The following KDM1A variants were observed in gnomAD, a reference collection of about 807,000 sequenced individuals.
KDM1A encodes lysine-specific histone demethylase 1A.
In KDM1A, 49 loss-of-function variants were observed where a neutral mutation model predicts 109.4. The observed-to-expected ratio is 0.45, with a 90% CI of 0.36 to 0.57. The LOEUF (loss-of-function observed/expected upper bound fraction) is 0.57, where lower values mean the gene tolerates loss of function less well. KDM1A is among the 20% of genes least tolerant of loss of function. KDM1A has a pLI of 0.00. For synonymous variants in KDM1A, 380 were observed against 415.4 expected, an observed-to-expected ratio of 0.91 and a Z score of 1.04; for missense variants, 668 against 1,116.6, an observed-to-expected ratio of 0.60 and a Z score of 5.73.
intron 2 of KDM1A, among the ~76,000 whole-genome samples, chr1:23,041,435 C>CTTTTTTTTTTT (rs66720696): frequency 1.9e-5 from 1 of 53,006 alleles, no homozygotes; most frequent in African/African-American, 7.8e-5. Context: ...TCTTTTCTTG[C>CTTTTTTTTTTT]TTTTTTTTTT....
intron 12 of KDM1A, among the ~76,000 whole-genome samples, chr1:23,069,991 C>T (rs1318953136): frequency 6.6e-6 from 1 of 152,224 alleles, no homozygotes; most frequent in Non-Finnish European, 1.5e-5. Flanking sequence ...ATTCTTCATC[C>T]TGTCTAATGA....
At chr1:23,081,678 G>C (rs1339433562) in intron 19 of KDM1A, 105 bp downstream of exon 19, 1 of 1,331,526 alleles carries the variant, frequency 7.5e-7, no homozygotes, top group African/African-American at 1.5e-5. Context: ...CTAGAATTGA[G>C]GTCTGTGCTT....
intron 4 of KDM1A, among the ~76,000 whole-genome samples, chr1:23,051,705 T>C (rs994719787): frequency 6.6e-6 from 1 of 152,126 alleles, no homozygotes; most frequent in Non-Finnish European, 1.5e-5. Flanking sequence ...TACTCTAGGG[T>C]GGTACAACGC....
chr1:23,059,195 A>G (rs989120912), intron 9 of KDM1A, 28 bp downstream of exon 9: 9 of 1,570,766 alleles, frequency 5.7e-6, no homozygotes, highest in African/African-American at 2.7e-5. Context: ...AGAACTTTCA[A>G]CATTTCTTTG....
At chr1:23,051,383 C>T (rs761215404) in intron 4 of KDM1A, among the ~76,000 whole-genome samples, 7 of 152,182 alleles carry the variant, frequency 4.6e-5, no homozygotes, top group Non-Finnish European at 1.0e-4. Flanking sequence ...ACTACGTTGT[C>T]AAAGGGTTAT....
intron 4 of KDM1A, among the ~76,000 whole-genome samples, chr1:23,052,629 G>A (rs1387557026): frequency 1.3e-5 from 2 of 152,142 alleles, no homozygotes; most frequent in South Asian, 4.1e-4. Flanking sequence ...CCCATTGATT[G>A]TACCATATGT....
At chr1:23,050,610 G>A (rs1642639415) in intron 4 of KDM1A, 90 bp downstream of exon 4, 1 of 1,104,252 alleles carries the variant, frequency 9.1e-7, no homozygotes, top group Non-Finnish European at 1.2e-6. Flanking sequence ...AGAGAAGAAA[G>A]AATTCTAAAA....
At chr1:23,062,242 T>C (rs1355446428) in intron 9 of KDM1A, among the ~76,000 whole-genome samples, 1 of 152,158 alleles carries the variant, frequency 6.6e-6, no homozygotes, top group Non-Finnish European at 1.5e-5. Context: ...GGGGTGAGGT[T>C]AGTGTATGCA....
Position 23,055,912 on chromosome 1 carries a change from T to C in KDM1A, c.884-20T>C, listed in dbSNP as rs761240763. 6.5e-7 allele frequency: 1 copy of C among 1,541,608 alleles called. No individual in the cohort carries two copies. The highest frequency in any genetic ancestry group is 1.8e-5 in the Admixed American group (1 of 55,578). ...TTTTATACCTAAAACAAAATCTTTT[T>C]TTTCATTTTTTGCTTTTAGCTAAAA... On this transcript the variant is annotated intron_variant, in intron 6 of 20. Coordinates refer to ENST00000400181, the MANE Select transcript of KDM1A (RefSeq NM_001009999.3).
At position 23,079,203 on chromosome 1, in the gene KDM1A, T is replaced by C; in HGVS notation, c.2055+26T>C. ...GTAGCTTGCCCTAGACACTCCTGTC[T>C]ACAGATCTGATGTACAAATAGCAGT... On this transcript the variant is annotated intron_variant, in intron 17 of 20. Transcript: ENST00000400181. The surrounding 1 kb of genome is among the most constrained non-coding windows in gnomAD (Gnocchi z 5.6). The C allele has an allele frequency of 6.2e-7, 1 of 1,605,868 alleles. No individual in the cohort carries two copies. Among genetic ancestry groups the C allele is most frequent in the Non-Finnish European group, 8.5e-7 (1 of 1,174,904 alleles).
chr1:23,081,458 T>TG lies in KDM1A; in HGVS notation c.2185dup (p.Ala729GlyfsTer16). On this transcript the variant is annotated frameshift_variant, in exon 19 of 21. Coordinates refer to ENST00000400181, the MANE Select transcript of KDM1A (RefSeq NM_001009999.3). LOFTEE classifies it high-confidence loss of function. ...TCTGTTTCCCCAGCTCCAATACTGT[T>TG]GGCACTAGTGGCAGGAGAAGCTGCT... The TG allele has an allele frequency of 6.2e-7, 1 of 1,614,174 alleles. No individual in the cohort carries two copies. Among genetic ancestry groups the TG allele is most frequent in the Non-Finnish European group, 8.5e-7 (1 of 1,179,994 alleles).
chr1:23,063,996 T>TC lies in KDM1A; in HGVS notation c.1168-2059dup, dbSNP rs1643092374. On this transcript the variant is annotated intron_variant, in intron 9 of 20. Transcript: ENST00000400181. Reference sequence around the variant, plus strand: ...TTGCCCTCCTGGGCTAAAGTGATTCTCCCCCTCAGCCTCGTGAGTAGCTGG... The same window carrying TC: ...TTGCCCTCCTGGGCTAAAGTGATTCTCCCCCCTCAGCCTCGTGAGTAGCTGG... Among the ~76,000 whole-genome samples, 8 of 152,218 alleles carry TC rather than the reference T, an allele frequency of 5.3e-5. No individual in the cohort carries two copies. In the South Asian group the frequency reaches 1.7e-3, roughly 32 times the overall value.
At chr1:23,061,660 CT>C (rs61084870) in intron 9 of KDM1A, among the ~76,000 whole-genome samples, 117,113 of 123,364 alleles carry the variant, frequency 0.95, 55,482 homozygotes, top group South Asian at 0.97. Context: ...ATAAACTAGC[CT>C]TTTTTTTTTT....
intron 9 of KDM1A, among the ~76,000 whole-genome samples, chr1:23,062,541 C>T (rs1340724671): frequency 1.3e-5 from 2 of 152,190 alleles, no homozygotes; most frequent in African/African-American, 4.8e-5. Flanking sequence ...GTAATAGTGT[C>T]TTAAGGACAT....
intron 3 of KDM1A, among the ~76,000 whole-genome samples, chr1:23,048,410 CT>C (rs1642563893): frequency 6.6e-6 from 1 of 151,932 alleles, no homozygotes; most frequent in East Asian, 1.9e-4. Flanking sequence ...TACAATATGG[CT>C]TTTACTATTT....
intron 2 of KDM1A, 123 bp downstream of exon 2, chr1:23,030,757 G>C: frequency 2.0e-6 from 2 of 1,006,648 alleles, no homozygotes; most frequent in Non-Finnish European, 2.9e-6. Context: ...CTGATATTGA[G>C]TCTCCTGCCA....
At chr1:23,051,185 G>A (rs555107101) in intron 4 of KDM1A, among the ~76,000 whole-genome samples, 2 of 152,072 alleles carry the variant, frequency 1.3e-5, no homozygotes, top group African/African-American at 2.4e-5. Context: ...TGCTCATCTT[G>A]TTCAGCCTCT....
intron 6 of KDM1A, 63 bp from the exon 7 acceptor site, chr1:23,055,868 TA>T: frequency 9.7e-7 from 1 of 1,027,822 alleles, no homozygotes; most frequent in Non-Finnish European, 1.5e-6. Context: ...TTTCATGAAA[TA>T]AGACTGTAAG....
Position 23,030,461 on chromosome 1 carries a change from C to T in KDM1A, c.352-8C>T, listed in dbSNP as rs778266231. ...CATTTAGCTTTCCCTGGTATGATCT[C>T]CATATAGGTAGAGTACAGAGAGATG... On this transcript the variant is annotated splice_polypyrimidine_tract_variant and splice_region_variant and intron_variant, in intron 1 of 20. Coordinates refer to ENST00000400181, the MANE Select transcript of KDM1A (RefSeq NM_001009999.3). The T allele has an allele frequency of 7.8e-6, 12 of 1,543,608 alleles. No homozygotes were observed. Among genetic ancestry groups the T allele is most frequent in the Non-Finnish European group, 1.0e-5 (12 of 1,152,178 alleles).
Sources: allele counts gnomAD v4.1 joint callset (sites outside exome capture counted in the v4.1 genomes callset), GRCh38; gene constraint gnomAD v4.1.1; non-coding constraint Gnocchi (gnomAD v3.1); transcripts MANE v1.5; gene names NCBI Gene and HGNC (gene_info 2026-07-23, HGNC 2026-07-21).